TNFSF4: variants seen among roughly 807,000 people sequenced by gnomAD.
TNFSF4 encodes the protein tumor necrosis factor ligand superfamily member 4.
TNFSF4 carries 4 observed loss-of-function variants against 7.3 expected under a neutral mutation model. The observed-to-expected ratio is 0.55, with a 90% confidence interval of 0.27 to 1.25. TNFSF4 has a LOEUF of 1.25. TNFSF4 is among the 50% of genes most tolerant of loss of function. The probability of loss-of-function intolerance (pLI) is 0.12; values close to 1 mark genes in which losing one functional copy is unlikely to be tolerated. For synonymous variants in TNFSF4, 76 were observed against 83.7 expected (o/e 0.91, Z 0.50); for missense variants, 181 against 208.8 (o/e 0.87, Z 0.82).
chr1:173,303,238 T>C, the TNFSF4 span, among the ~76,000 whole-genome samples: 1 of 151,836 alleles, frequency 6.6e-6, no homozygotes, highest in Non-Finnish European at 1.5e-5. Flanking sequence ...TTCCCACACA[T>C]CTTTCTGCAG....
At chr1:173,216,651 T>A in the TNFSF4 span, among the ~76,000 whole-genome samples, 2 of 152,138 alleles carry the variant, frequency 1.3e-5, no homozygotes, top group Non-Finnish European at 1.5e-5. Context: ...ATTCCCTATC[T>A]CCACACTCAT....
the TNFSF4 span, among the ~76,000 whole-genome samples, chr1:173,177,102 C>A: frequency 6.6e-6 from 1 of 152,138 alleles, no homozygotes; most frequent in East Asian, 1.9e-4. Flanking sequence ...CAAACCCACA[C>A]ATGTAGCCCT....
chr1:173,183,325 A>T (rs1383215464), downstream of TNFSF4, among the ~76,000 whole-genome samples: 1 of 152,242 alleles, frequency 6.6e-6, no homozygotes, highest in African/African-American at 2.4e-5. Context: ...CATCAAAAGT[A>T]GCACAGGGAT....
chr1:173,293,154 C>T, the TNFSF4 span, among the ~76,000 whole-genome samples: 1 of 151,778 alleles, frequency 6.6e-6, no homozygotes, highest in Admixed American at 6.6e-5. Context: ...AGCCAAAAGC[C>T]AAGGCAATCC....
the TNFSF4 span, among the ~76,000 whole-genome samples, chr1:173,177,317 T>C: frequency 1.3e-5 from 2 of 152,116 alleles, no homozygotes; most frequent in African/African-American, 4.8e-5. Flanking sequence ...CTGGAAGCCA[T>C]TATACTAAGC....
At chr1:173,382,549 G>A in the TNFSF4 span, among the ~76,000 whole-genome samples, 1 of 152,288 alleles carries the variant, frequency 6.6e-6, no homozygotes, top group Non-Finnish European at 1.5e-5. Flanking sequence ...TTCTGCACGT[G>A]TATCCCAGAA....
the TNFSF4 span, among the ~76,000 whole-genome samples, chr1:173,234,133 C>T: frequency 2.6e-5 from 4 of 152,096 alleles, no homozygotes; most frequent in African/African-American, 4.8e-5. Flanking sequence ...AAAAAGTTGG[C>T]GAAGGATATG....
At chr1:173,379,566 C>A in the TNFSF4 span, among the ~76,000 whole-genome samples, 1 of 152,146 alleles carries the variant, frequency 6.6e-6, no homozygotes, top group African/African-American at 2.4e-5. Context: ...CCACAGATAT[C>A]AGGAGAAAGC....
chr1:173,352,983 T>A, the TNFSF4 span, among the ~76,000 whole-genome samples: 21 of 152,194 alleles, frequency 1.4e-4, no homozygotes, highest in Non-Finnish European at 2.8e-4. Context: ...ATAAGAGAAA[T>A]ATGGCTCTGT....
intron 1 of TNFSF4, among the ~76,000 whole-genome samples, chr1:173,195,638 T>C (rs1649666404): frequency 6.6e-6 from 1 of 152,240 alleles, no homozygotes; most frequent in Admixed American, 6.5e-5. Flanking sequence ...TCTGACTCAC[T>C]AGGATGTGGT....
chr1:173,406,518 A>T, the TNFSF4 span, among the ~76,000 whole-genome samples: 2 of 151,916 alleles, frequency 1.3e-5, no homozygotes, highest in Non-Finnish European at 2.9e-5. Flanking sequence ...GCCTTCATGG[A>T]CCCCTTCTTC....
chr1:173,248,096 C>T, the TNFSF4 span, among the ~76,000 whole-genome samples: 1 of 152,096 alleles, frequency 6.6e-6, no homozygotes, highest in Admixed American at 6.5e-5. Context: ...TGGCTCGCAC[C>T]TGTAATCCCA....
chr1:173,358,967 T>G, the TNFSF4 span, among the ~76,000 whole-genome samples: 1 of 152,224 alleles, frequency 6.6e-6, no homozygotes, highest in African/African-American at 2.4e-5. Flanking sequence ...GTGTTCAACC[T>G]GTCAAATTTT....
chr1:173,303,547 G>C, the TNFSF4 span, among the ~76,000 whole-genome samples: 1 of 151,842 alleles, frequency 6.6e-6, no homozygotes, highest in African/African-American at 2.4e-5. Flanking sequence ...AGATGACGGC[G>C]CTCCTGCTCT....
At chr1:173,303,534 C>T in the TNFSF4 span, among the ~76,000 whole-genome samples, 1 of 151,806 alleles carries the variant, frequency 6.6e-6, no homozygotes, top group African/African-American at 2.4e-5. Flanking sequence ...CGGTGTTTGT[C>T]CGAGATGACG....
At chr1:173,289,995 T>C in the TNFSF4 span, among the ~76,000 whole-genome samples, 2 of 150,242 alleles carry the variant, frequency 1.3e-5, no homozygotes, top group East Asian at 1.9e-4. Context: ...TTTTCCAAGG[T>C]ATTGTGAAAA....
the TNFSF4 span, among the ~76,000 whole-genome samples, chr1:173,226,098 T>C: frequency 4.6e-5 from 7 of 152,238 alleles, no homozygotes; most frequent in Non-Finnish European, 1.0e-4. Flanking sequence ...AGGCATAATT[T>C]ATCAGACCTA....
At chr1:173,340,776 C>A in the TNFSF4 span, among the ~76,000 whole-genome samples, 1 of 151,688 alleles carries the variant, frequency 6.6e-6, no homozygotes, top group Non-Finnish European at 1.5e-5. Flanking sequence ...GGTAGGCTTT[C>A]CCTCTCCCTT....
chr1:173,263,942 C>A, the TNFSF4 span, among the ~76,000 whole-genome samples: 1 of 152,254 alleles, frequency 6.6e-6, no homozygotes, highest in African/African-American at 2.4e-5. Flanking sequence ...CCATAAAATT[C>A]TTTCAAAAGG....
Sources: gnomAD v4.1 joint callset for allele counts (sites outside exome capture counted in the v4.1 genomes callset) on GRCh38, gnomAD v4.1.1 for gene constraint, MANE v1.5 for transcripts, NCBI Gene and HGNC (gene_info 2026-07-23, HGNC 2026-07-21) for gene names.